SUMF1: variants seen among roughly 807,000 people sequenced by gnomAD.
SUMF1 encodes formylglycine-generating enzyme.
SUMF1 carries 48 observed loss-of-function variants against 47.6 expected under a neutral mutation model. The ratio of observed to expected loss-of-function variants is 1.01; its 90% confidence interval spans 0.80 to 1.28. SUMF1 has a LOEUF of 1.28. Ranked by LOEUF, SUMF1 falls within the 50% of genes most tolerant of loss-of-function variation. The pLI is 0.00. For synonymous variants in SUMF1, 230 were observed against 192.1 expected (o/e 1.20, Z -1.63); for missense variants, 571 against 485.4 (o/e 1.18, Z -1.66).
chr3:4,406,173 T>A (rs1051892764), intron 7 of SUMF1, among the ~76,000 whole-genome samples: 2 of 152,120 alleles, frequency 1.3e-5, no homozygotes, highest in Admixed American at 1.3e-4. Context: ...ATAACAACAT[T>A]CCTCTGAAAG....
At chr3:4,301,011 A>AAT (rs141830481) in intron 8 of SUMF1, among the ~76,000 whole-genome samples, 11 of 151,538 alleles carry the variant, frequency 7.3e-5, no homozygotes, top group Non-Finnish European at 1.5e-5. Context: ...ACCCTCCACC[A>AAT]ATATATATAT....
At chr3:4,444,573 A>C (rs1702715537) in intron 3 of SUMF1, among the ~76,000 whole-genome samples, 1 of 152,190 alleles carries the variant, frequency 6.6e-6, no homozygotes, top group African/African-American at 2.4e-5. Context: ...TGGTAGCATT[A>C]GTATTATTGA....
intron 8 of SUMF1, among the ~76,000 whole-genome samples, chr3:4,244,440 T>G (rs1029363311): frequency 1.3e-5 from 2 of 152,350 alleles, no homozygotes; most frequent in South Asian, 4.1e-4. Flanking sequence ...GGAGCACTTG[T>G]AAGGCAGGCC....
intron 8 of SUMF1, among the ~76,000 whole-genome samples, chr3:4,235,714 G>GCA (rs1351907707): frequency 6.6e-6 from 1 of 151,956 alleles, no homozygotes; most frequent in Non-Finnish European, 1.5e-5. Flanking sequence ...ATTTCTTATG[G>GCA]CAGTGGAAGG....
At chr3:4,335,787 C>T (rs1441934839) in intron 8 of SUMF1, among the ~76,000 whole-genome samples, 1 of 151,802 alleles carries the variant, frequency 6.6e-6, no homozygotes, top group Non-Finnish European at 1.5e-5. Flanking sequence ...TGGTGAAACC[C>T]CATCTCTACT....
chr3:4,207,388 G>T (rs1432788065), intron 8 of SUMF1, among the ~76,000 whole-genome samples: 1 of 152,162 alleles, frequency 6.6e-6, no homozygotes, highest in Admixed American at 6.6e-5. Flanking sequence ...GATGAGAAGA[G>T]ACATTTTTGT....
In SUMF1 at chr3:4,206,000, C is replaced by G. The variant is rs552391643; in HGVS notation, c.1015-137255G>C. On this transcript the variant is annotated intron_variant and NMD_transcript_variant, in intron 8 of 12. Coordinates refer to the SUMF1 transcript ENST00000448413. Reference sequence around the variant, plus strand: ...ATGATGAATCTTGCAAGGACTGAGTCTTTCTCTTCAGGGCAGCAAGTTTCC... The same window carrying G: ...ATGATGAATCTTGCAAGGACTGAGTGTTTCTCTTCAGGGCAGCAAGTTTCC... 3.9e-4 allele frequency among the ~76,000 whole-genome samples: 60 copies of G among 152,132 alleles called. No homozygotes were observed. In the South Asian group the frequency reaches 0.012, roughly 32 times the overall value.
At chr3:4,190,230 A>G (rs1298401814) in intron 8 of SUMF1, among the ~76,000 whole-genome samples, 1 of 151,844 alleles carries the variant, frequency 6.6e-6, no homozygotes, top group African/African-American at 2.4e-5. Flanking sequence ...GCATTAACAC[A>G]GGAGCAGCTG....
intron 9 of SUMF1, among the ~76,000 whole-genome samples, chr3:4,064,614 T>C (rs9851593): frequency 2.0e-5 from 3 of 152,144 alleles, no homozygotes; most frequent in African/African-American, 4.8e-5. Flanking sequence ...AATACTTTCT[T>C]GCACAAGGTC....
chr3:4,372,633 ACTC>A (rs1371549820), intron 8 of SUMF1, among the ~76,000 whole-genome samples: 3 of 152,126 alleles, frequency 2.0e-5, no homozygotes, highest in Non-Finnish European at 4.4e-5. Context: ...TGGTTCATTT[ACTC>A]CTCATCAGAA....
intron 8 of SUMF1, among the ~76,000 whole-genome samples, chr3:4,159,303 G>A (rs1392800798): frequency 1.4e-5 from 2 of 145,670 alleles, no homozygotes; most frequent in South Asian, 4.3e-4. Flanking sequence ...TGCATCCATT[G>A]CATGTTTTTT....
intron 8 of SUMF1, among the ~76,000 whole-genome samples, chr3:4,268,178 C>T (rs1242794): frequency 0.55 from 83,381 of 151,708 alleles, 24,415 homozygotes; most frequent in East Asian, 0.86. Flanking sequence ...CAGGTGGGAA[C>T]TGAACAATGG....
At chr3:4,381,300 G>C (rs569952969) in intron 7 of SUMF1, among the ~76,000 whole-genome samples, 53 of 152,214 alleles carry the variant, frequency 3.5e-4, no homozygotes, top group African/African-American at 1.1e-3. Context: ...GGATGCAAAG[G>C]CATAAGAATG....
chr3:4,236,628 G>A (rs1250939814), intron 8 of SUMF1, among the ~76,000 whole-genome samples: 1 of 151,996 alleles, frequency 6.6e-6, no homozygotes, highest in Non-Finnish European at 1.5e-5. Context: ...GTTCTCTAGA[G>A]CAGTTTTAGG....
intron 8 of SUMF1, among the ~76,000 whole-genome samples, chr3:4,337,213 T>C (rs915101676): frequency 2.6e-5 from 1 of 38,098 alleles, no homozygotes; most frequent in African/African-American, 2.1e-4. Flanking sequence ...CTCCCTCCTT[T>C]CTTCCTTCCT....
chr3:4,064,047 T>G (rs1337205800), intron 9 of SUMF1, among the ~76,000 whole-genome samples: 2 of 152,084 alleles, frequency 1.3e-5, no homozygotes, highest in African/African-American at 4.8e-5. Context: ...AATGGCCCTG[T>G]CAGAGGCATT....
At chr3:4,052,824 T>C (rs780430503) in intron 9 of SUMF1, among the ~76,000 whole-genome samples, 1 of 152,190 alleles carries the variant, frequency 6.6e-6, no homozygotes, top group Non-Finnish European at 1.5e-5. Flanking sequence ...TTGCTCTAGA[T>C]TAGGCTTTGG....
intron 5 of SUMF1, 133 bp from the exon 6 acceptor site, chr3:4,417,375 A>C: frequency 1.6e-6 from 1 of 620,502 alleles, no homozygotes; most frequent in Non-Finnish European, 2.8e-6. Flanking sequence ...ATATATATAA[A>C]TAAATAAAGC....
rs959379870 is a variant in SUMF1, at chr3:4,403,511, A to C, written c.954+7354T>G. Among the ~76,000 whole-genome samples, 5 of 152,150 alleles carry C rather than the reference A, an allele frequency of 3.3e-5. No homozygotes were observed. In the South Asian group the frequency reaches 6.2e-4, roughly 19 times the overall value. Reference sequence around the variant, plus strand: ...AACCCAGTTATCCCAGGTGCAGCAGAAGAATGGGAATGCTTATCTAGAAAC... The same window carrying C: ...AACCCAGTTATCCCAGGTGCAGCAGCAGAATGGGAATGCTTATCTAGAAAC... On this transcript the variant is annotated intron_variant, in intron 7 of 8. Coordinates refer to ENST00000272902, the MANE Select transcript of SUMF1 (RefSeq NM_182760.4).
Sources: allele counts gnomAD v4.1 joint callset (sites outside exome capture counted in the v4.1 genomes callset), GRCh38; gene constraint gnomAD v4.1.1; transcripts MANE v1.5; gene names NCBI Gene and HGNC (gene_info 2026-07-23, HGNC 2026-07-21).